Variants in WDR36 observed in about 807,000 individuals in gnomAD.
The protein encoded by WDR36 is WD repeat-containing protein 36.
A neutral mutation model predicts 112.7 loss-of-function variants in WDR36; 63 were observed. The observed-to-expected ratio is 0.56, with a 90% CI of 0.46 to 0.69. The LOEUF is 0.69. WDR36 is among the 30% of genes least tolerant of loss of function. The pLI, the probability that WDR36 is intolerant of heterozygous loss-of-function variation, is 0.00. For missense variants in WDR36, 1,226 were observed against 1,070.3 expected (o/e 1.15, Z -2.03); for synonymous variants, 410 against 362.2 (o/e 1.13, Z -1.50).
chr5:111,111,221 A>G lies in WDR36; in HGVS notation c.1659A>G (p.Ile553Met), dbSNP rs139845554. The G allele has an allele frequency of 5.2e-5, 84 of 1,611,786 alleles. No individual in the cohort carries two copies. The African/African-American group carries it at 1.1e-3, about 21-fold the overall frequency. Residue 553 changes from isoleucine to methionine, a missense_variant, in exon 15 of 23, where the codon ATA (isoleucine) becomes ATG (methionine). Physicochemically the swap from Ile to Met is conservative, Grantham distance 10. Coordinates refer to ENST00000513710, the MANE Select transcript of WDR36 (RefSeq NM_139281.3). ...ACTTCTCCATTAGTGTTCTGGACATAGAAACTAGGAAGATTGTCAGAGAGT... is the reference window on the plus strand; with the variant it reads ...ACTTCTCCATTAGTGTTCTGGACATGGAAACTAGGAAGATTGTCAGAGAGT... Reference protein sequence around the residue: ...LDDFSISVLDIETRKIVREFS... With the variant: ...LDDFSISVLDMETRKIVREFS...
chr5:111,113,614 A>G (rs1411553331), intron 16 of WDR36, among the ~76,000 whole-genome samples: 1 of 152,078 alleles, frequency 6.6e-6, no homozygotes, highest in Non-Finnish European at 1.5e-5. Flanking sequence ...GTCTTAGTGC[A>G]TTTTCTGTTG....
At chr5:111,092,763 C>T (rs370758347) in intron 1 of WDR36, 145 bp downstream of exon 1, 2 of 1,131,356 alleles carry the variant, frequency 1.8e-6, no homozygotes, top group East Asian at 2.6e-5. Flanking sequence ...TTTCGCCATC[C>T]GGTCACGTCC....
chr5:111,118,980 C>G, intron 16 of WDR36, 33 bp from the exon 17 acceptor site: 1 of 1,544,458 alleles, frequency 6.5e-7, no homozygotes, highest in Non-Finnish European at 9.0e-7. Flanking sequence ...TGGTAGAGTT[C>G]AAATACTTTT....
chr5:111,099,835 C>G (rs1753083430), intron 4 of WDR36, among the ~76,000 whole-genome samples: 2 of 151,966 alleles, frequency 1.3e-5, no homozygotes, highest in African/African-American at 4.8e-5. Context: ...CAGTAGTGTG[C>G]CAGATAGTAT....
Position 111,113,052 on chromosome 5 carries a change from A to ATATATATATATTTTTTT in WDR36, c.1717-21_1717-20insATATATATATTTTTTTT, listed in dbSNP as rs35527062. 6.6e-6 allele frequency: 3 copies of ATATATATATATTTTTTT among 455,806 alleles called. No individual in the cohort carries two copies. The African/African-American group carries it at 7.8e-5, about 12-fold the overall frequency. 28.2% of individuals were successfully genotyped at this position (455,806 alleles called of 1,614,324 possible). A position where few individuals can be genotyped will look rare whatever the true frequency, so the allele number is the denominator to read the frequency against. The stretch of plus-strand genomic sequence containing the variant: ...ATATAAATAATATATATATATATAT[A>ATATATATATATTTTTTT]TTTTTTTTTTTTAATTTAAAGGCTT... On this transcript the variant is annotated intron_variant, in intron 15 of 22. Coordinates refer to ENST00000513710, the MANE Select transcript of WDR36 (RefSeq NM_139281.3).
intron 22 of WDR36, among the ~76,000 whole-genome samples, chr5:111,126,296 A>G (rs1219867626): frequency 6.6e-6 from 1 of 152,016 alleles, no homozygotes; most frequent in African/African-American, 2.4e-5. Flanking sequence ...AGGAGTTTTG[A>G]TCATTTGACA....
Position 111,128,077 on chromosome 5 carries a change from T to C in WDR36, c.*1194T>C, listed in dbSNP as rs997740069. On this transcript the variant is annotated 3_prime_UTR_variant, in exon 23 of 23. Coordinates refer to ENST00000513710, the MANE Select transcript of WDR36 (RefSeq NM_139281.3). The stretch of plus-strand genomic sequence containing the variant: ...CATCATCATTGTTTTGTTTTTTTTA[T>C]GGTTCAAGACTTTTGCAATACATGA... 5.1e-6 allele frequency: 1 copy of C among 196,054 alleles called. No homozygotes were observed. The highest frequency in any genetic ancestry group is 1.1e-5 in the Non-Finnish European group (1 of 94,372). 12.1% of individuals were successfully genotyped at this position (196,054 alleles called of 1,614,324 possible). A position where few individuals can be genotyped will look rare whatever the true frequency, so the allele number is the denominator to read the frequency against.
chr5:111,126,035 C>G (rs1325718921), intron 22 of WDR36, among the ~76,000 whole-genome samples: 1 of 152,026 alleles, frequency 6.6e-6, no homozygotes, highest in Non-Finnish European at 1.5e-5. Context: ...TAGTGACTAC[C>G]ACATTGGACA....
intron 4 of WDR36, among the ~76,000 whole-genome samples, chr5:111,099,094 T>C (rs1413035819): frequency 6.6e-6 from 1 of 152,206 alleles, no homozygotes; most frequent in East Asian, 1.9e-4. Context: ...TCTCCAACTT[T>C]AATGATTTGT....
intron 3 of WDR36, 70 bp downstream of exon 3, chr5:111,097,249 T>A: frequency 1.8e-6 from 2 of 1,092,120 alleles, no homozygotes; most frequent in African/African-American, 1.5e-5. Flanking sequence ...GAACTTTAAT[T>A]TTGTCATTCT....
At chr5:111,098,121 G>C (rs566785996) in intron 3 of WDR36, among the ~76,000 whole-genome samples, 1 of 152,218 alleles carries the variant, frequency 6.6e-6, no homozygotes, top group South Asian at 2.1e-4. Flanking sequence ...GTGGGGAGGC[G>C]TCAGACACTG....
At chr5:111,122,242 A>G (rs12518809) in intron 19 of WDR36, among the ~76,000 whole-genome samples, 3 of 152,174 alleles carry the variant, frequency 2.0e-5, no homozygotes, top group African/African-American at 7.2e-5. Flanking sequence ...CAAATAGATT[A>G]GTGTGAGGGG....
Position 111,094,844 on chromosome 5 carries a change from A to C in WDR36, c.163-76A>C, listed in dbSNP as rs1343402265. The C allele has an allele frequency of 2.5e-6, 3 of 1,201,292 alleles. No homozygotes were observed. In the South Asian group the frequency reaches 3.9e-5, roughly 16 times the overall value. The allele number at this position is 1,201,292 out of a possible 1,614,324, so 74.4% of individuals were successfully genotyped here. On this transcript the variant is annotated intron_variant, in intron 1 of 22. Transcript: ENST00000513710. ...ATAGCAAATATACGTATGAGGTTAT[A>C]TCTTAATCTTCAGGTGTTAGGTTAT...
chr5:111,126,498 G>C (rs1753681068), intron 22 of WDR36, among the ~76,000 whole-genome samples: 1 of 152,054 alleles, frequency 6.6e-6, no homozygotes, highest in Non-Finnish European at 1.5e-5. Context: ...CTGTCCTTAG[G>C]TGGAGAGGAG....
chr5:111,100,766 C>T, intron 5 of WDR36, 45 bp downstream of exon 5: 1 of 1,558,838 alleles, frequency 6.4e-7, no homozygotes. Flanking sequence ...ACCTTATCCT[C>T]ATCTACTACT....
In WDR36 at chr5:111,129,906, A is replaced by G. The variant is rs1210795840; in HGVS notation, c.*3023A>G. 3 of 210,060 alleles carry G rather than the reference A, an allele frequency of 1.4e-5. No homozygotes were observed. Among genetic ancestry groups the G allele is most frequent in the Non-Finnish European group, 9.7e-6 (1 of 103,532 alleles). The allele number at this position is 210,060 out of a possible 1,614,324, so 13.0% of individuals were successfully genotyped here. A position where few individuals can be genotyped will look rare whatever the true frequency, so the allele number is the denominator to read the frequency against. On this transcript the variant is annotated 3_prime_UTR_variant, in exon 23 of 23. Transcript: ENST00000513710. ...TGAAGAGTGAAACAGCGCTGCTTCC[A>G]ATATCTGTTCAAAATTCATTTATTG...
Position 111,092,363 on chromosome 5 carries a change from C to G in WDR36, c.-94C>G, listed in dbSNP as rs200984589. The stretch of plus-strand genomic sequence containing the variant: ...CGGAAGCGGTGTTGTGTCTGCAGCT[C>G]TGGCAGAGGACTGTTCCACTAGACA... On this transcript the variant is annotated 5_prime_UTR_variant, in exon 1 of 23. Transcript: ENST00000513710. 5.0e-6 allele frequency: 8 copies of G among 1,614,226 alleles called. No homozygotes were observed. Among genetic ancestry groups the G allele is most frequent in the Non-Finnish European group, 6.8e-6 (8 of 1,180,048 alleles).
rs1753035625 is a variant in WDR36, at chr5:111,098,247, A to C, written c.292-475A>C. 2.6e-5 allele frequency among the ~76,000 whole-genome samples: 4 copies of C among 152,300 alleles called. No individual in the cohort carries two copies. In the South Asian group the frequency reaches 8.3e-4, roughly 32 times the overall value. ...GAGAAGGGGCTATACTTATGGAGGG[A>C]TCAGCTACTGTAAGGATCTCTGTCA... On this transcript the variant is annotated intron_variant, in intron 3 of 22. Coordinates refer to ENST00000513710, the MANE Select transcript of WDR36 (RefSeq NM_139281.3).
intron 16 of WDR36, among the ~76,000 whole-genome samples, chr5:111,118,195 A>C (rs1255234115): frequency 2.7e-5 from 4 of 148,096 alleles, no homozygotes; most frequent in African/African-American, 1.0e-4. Flanking sequence ...ATGGTCCTAC[A>C]AAACTGCACT....
Sources: gnomAD v4.1 joint callset for allele counts (sites outside exome capture counted in the v4.1 genomes callset) on GRCh38, gnomAD v4.1.1 for gene constraint, MANE v1.5 for transcripts, NCBI Gene and HGNC (gene_info 2026-07-23, HGNC 2026-07-21) for gene names.